The following DOCK4 variants were observed in gnomAD, a reference collection of about 807,000 sequenced individuals.
DOCK4 encodes the protein dedicator of cytokinesis protein 4.
Under a neutral mutation model 268.1 loss-of-function variants are expected in DOCK4, and 97 were observed. The observed-to-expected ratio is 0.36, with a 90% CI of 0.31 to 0.43. DOCK4 has a LOEUF of 0.43. Ranked by LOEUF, DOCK4 falls within the 20% of genes least tolerant of loss-of-function variation. The pLI, the probability that DOCK4 is intolerant of heterozygous loss-of-function variation, is 1.00. For synonymous variants in DOCK4, 954 were observed against 887.2 expected, an observed-to-expected ratio of 1.08 and a Z score of -1.34; for missense variants, 2,145 against 2,455.7, an observed-to-expected ratio of 0.87 and a Z score of 2.67.
At chr7:111,754,287 G>C (rs1796882644) in intron 42 of DOCK4, among the ~76,000 whole-genome samples, 1 of 152,194 alleles carries the variant, frequency 6.6e-6, no homozygotes, top group African/African-American at 2.4e-5. Context: ...CTGCTGAATA[G>C]AGTTCAATTT....
intron 1 of DOCK4, among the ~76,000 whole-genome samples, chr7:112,080,596 G>A (rs187660683): frequency 1.5e-3 from 230 of 152,310 alleles, no homozygotes; most frequent in African/African-American, 5.1e-3. Context: ...AGAGGTTATG[G>A]TTGGCTACGC....
chr7:112,080,813 C>T lies in DOCK4; in HGVS notation c.38-76682G>A, dbSNP rs151054586. On this transcript the variant is annotated intron_variant, in intron 1 of 52. Transcript: ENST00000428084. ...TCATTTTCCTCAGGCTCTACAAATA[C>T]AGCCACTGTCACCTGAATGCTGTGA... Among the ~76,000 whole-genome samples, 1,182 of 152,314 alleles carry T rather than the reference C, an allele frequency of 7.8e-3. 6 individuals are homozygous for T. Among genetic ancestry groups the T allele is most frequent in the Middle Eastern group, 0.014 (4 of 294 alleles).
intron 8 of DOCK4, among the ~76,000 whole-genome samples, chr7:111,952,421 A>G (rs777199143): frequency 6.6e-6 from 1 of 152,176 alleles, no homozygotes; most frequent in Non-Finnish European, 1.5e-5. Context: ...ACCACTCAGT[A>G]GAAGTAACCC....
chr7:112,023,536 G>A (rs1469427658), intron 1 of DOCK4: 1 of 389,576 alleles, frequency 2.6e-6, no homozygotes, highest in Non-Finnish European at 5.0e-6. Flanking sequence ...AACATTAGAT[G>A]ACATCATGCC....
At chr7:112,173,951 G>A (rs1310471791) in intron 1 of DOCK4, among the ~76,000 whole-genome samples, 1 of 152,118 alleles carries the variant, frequency 6.6e-6, no homozygotes, top group Non-Finnish European at 1.5e-5. Flanking sequence ...GACCCACAAG[G>A]AGGGCTCAGA....
At chr7:111,801,981 G>A (rs1465537153) in intron 30 of DOCK4, among the ~76,000 whole-genome samples, 5 of 151,580 alleles carry the variant, frequency 3.3e-5, no homozygotes, top group South Asian at 2.1e-4. Flanking sequence ...GATTACAGGC[G>A]TGAGCCACCG....
At chr7:112,132,215 C>T (rs192967578) in intron 1 of DOCK4, among the ~76,000 whole-genome samples, 30 of 152,194 alleles carry the variant, frequency 2.0e-4, no homozygotes, top group Admixed American at 2.0e-3. Context: ...GACATTTTCT[C>T]TGTGGTTGCT....
At chr7:111,870,762 C>T (rs1244107631) in intron 20 of DOCK4, among the ~76,000 whole-genome samples, 1 of 152,154 alleles carries the variant, frequency 6.6e-6, no homozygotes, top group Non-Finnish European at 1.5e-5. Context: ...TCACCCCCAG[C>T]CTAAGAGGAT....
At chr7:111,866,047 C>A (rs888684177) in intron 22 of DOCK4, among the ~76,000 whole-genome samples, 3 of 152,216 alleles carry the variant, frequency 2.0e-5, no homozygotes, top group East Asian at 3.8e-4. Flanking sequence ...AGGACCCAAC[C>A]AAGCCTGCCT....
chr7:111,742,562 C>G (rs970639659), intron 44 of DOCK4, among the ~76,000 whole-genome samples: 3 of 148,230 alleles, frequency 2.0e-5, no homozygotes, highest in Non-Finnish European at 4.5e-5. Flanking sequence ...CCTCTCCCCC[C>G]ACATTTCCCT....
intron 5 of DOCK4, among the ~76,000 whole-genome samples, chr7:111,991,917 C>T (rs993637112): frequency 2.3e-5 from 3 of 128,152 alleles, no homozygotes; most frequent in Admixed American, 9.7e-5. Context: ...GCCAAGATTG[C>T]GCCACTGCAC....
At chr7:112,074,365 ACTCCTATAT>A (rs1470180985) in intron 1 of DOCK4, among the ~76,000 whole-genome samples, 1 of 152,102 alleles carries the variant, frequency 6.6e-6, no homozygotes. Context: ...ATAACACACA[ACTCCTATAT>A]CAAGGGGCTC....
At chr7:111,945,142 C>G (rs1032550367) in intron 9 of DOCK4, among the ~76,000 whole-genome samples, 2 of 152,164 alleles carry the variant, frequency 1.3e-5, no homozygotes, top group Non-Finnish European at 2.9e-5. Context: ...TAAGCACATA[C>G]TAAATACCAG....
intron 1 of DOCK4, among the ~76,000 whole-genome samples, chr7:112,018,175 A>C (rs367569851): frequency 0.14 from 12,336 of 91,348 alleles, 3,098 homozygotes; most frequent in Non-Finnish European, 0.25. Context: ...AAAAAAAAAA[A>C]AAAAACACAG....
At chr7:111,736,417 G>A (rs1344912865) in intron 50 of DOCK4, among the ~76,000 whole-genome samples, 1 of 152,142 alleles carries the variant, frequency 6.6e-6, no homozygotes, top group Non-Finnish European at 1.5e-5. Flanking sequence ...CTCATTTTGT[G>A]TGACCTTGAG....
At chr7:111,828,886 GTGTATA>G (rs761359368) in intron 26 of DOCK4, among the ~76,000 whole-genome samples, 5 of 128,452 alleles carry the variant, frequency 3.9e-5, no homozygotes, top group African/African-American at 1.2e-4. Flanking sequence ...GTGTGTGTGT[GTGTATA>G]TATATATATA....
At chr7:112,139,555 A>T (rs925507655) in intron 1 of DOCK4, among the ~76,000 whole-genome samples, 8 of 152,208 alleles carry the variant, frequency 5.3e-5, no homozygotes, top group Non-Finnish European at 1.2e-4. Context: ...CATTTTAGCT[A>T]ATCTAAAATG....
intron 16 of DOCK4, among the ~76,000 whole-genome samples, chr7:111,886,468 C>T (rs1807854454): frequency 6.6e-6 from 1 of 152,156 alleles, no homozygotes; most frequent in South Asian, 2.1e-4. Context: ...GATTACAACA[C>T]TGGGATAAAG....
rs1805592351 is a variant in DOCK4 at position 111,862,190 on chromosome 7, T to C, written c.2473+1182A>G. Among the ~76,000 whole-genome samples the C allele has an allele frequency of 2.0e-5, 3 of 151,920 alleles. No homozygotes were observed. The South Asian group carries it at 6.3e-4, about 32-fold the overall frequency. ...GGTGTGTGCCTATAATCCCAGCTAC[T>C]CAGGAGGCTAAGGCAGGACAATCGC... On this transcript the variant is annotated intron_variant, in intron 23 of 52. Transcript: ENST00000428084.
Sources: allele counts gnomAD v4.1 joint callset (sites outside exome capture counted in the v4.1 genomes callset), GRCh38; gene constraint gnomAD v4.1.1; transcripts MANE v1.5; gene names NCBI Gene and HGNC (gene_info 2026-07-23, HGNC 2026-07-21).